The following TTC6 variants were observed in gnomAD, a reference collection of about 807,000 sequenced individuals.
TTC6 encodes the protein tetratricopeptide repeat protein 6.
TTC6 carries 172 observed loss-of-function variants against 210.4 expected under a neutral mutation model. That is an observed-to-expected ratio of 0.82 (90% CI 0.72 to 0.93). The LOEUF is 0.93. TTC6 is among the 40% of genes least tolerant of loss of function. The pLI, the probability that TTC6 is intolerant of heterozygous loss-of-function variation, is 0.00. For synonymous variants in TTC6, 804 were observed against 819.6 expected (o/e 0.98, Z 0.32); for missense variants, 2,414 against 2,318.1 (o/e 1.04, Z -0.85).
At chr14:37,613,773 T>A (rs1395034479) in intron 2 of TTC6, among the ~76,000 whole-genome samples, 1 of 151,350 alleles carries the variant, frequency 6.6e-6, no homozygotes, top group Non-Finnish European at 1.5e-5. Flanking sequence ...ATCACATTTT[T>A]AAAATTGTCC....
At chr14:37,683,728 G>A (rs972426596) in intron 3 of TTC6, among the ~76,000 whole-genome samples, 1 of 151,540 alleles carries the variant, frequency 6.6e-6, no homozygotes, top group Non-Finnish European at 1.5e-5. Context: ...ATAAGGTTCA[G>A]TACTATCCAA....
At chr14:37,641,622 G>A (rs1192054027) in intron 1 of TTC6, among the ~76,000 whole-genome samples, 1 of 152,084 alleles carries the variant, frequency 6.6e-6, no homozygotes, top group African/African-American at 2.4e-5. Flanking sequence ...ATCTTTGTGA[G>A]TTTTTATGAA....
chr14:37,782,722 G>C (rs1207801890), intron 14 of TTC6, among the ~76,000 whole-genome samples: 1 of 152,162 alleles, frequency 6.6e-6, no homozygotes, highest in Non-Finnish European at 1.5e-5. Flanking sequence ...CAAAGGGAAT[G>C]TTTCCAGTTT....
chr14:37,735,806 T>G lies in TTC6; in HGVS notation c.1819-115T>G, dbSNP rs915205294. The G allele has an allele frequency of 3.1e-5, 18 of 582,518 alleles. No homozygotes were observed. In the African/African-American group the frequency reaches 3.3e-4, roughly 11 times the overall value. 36.1% of individuals were successfully genotyped at this position (582,518 alleles called of 1,614,324 possible). A position where few individuals can be genotyped will look rare whatever the true frequency, so the allele number is the denominator to read the frequency against. ...GTTTTCTAGAATTATACTACTTTCA[T>G]ATGTTTTCTCTTTGGTTCTTTTGTT... is the stretch of plus-strand genomic sequence containing the variant. On this transcript the variant is annotated intron_variant, in intron 7 of 30. Transcript: ENST00000553443.
intron 1 of TTC6, among the ~76,000 whole-genome samples, chr14:37,602,118 G>C (rs1398202817): frequency 6.6e-6 from 1 of 152,230 alleles, no homozygotes; most frequent in East Asian, 1.9e-4. Flanking sequence ...TCTTGGGGGC[G>C]CCTGGGGCTC....
intron 20 of TTC6, 100 bp from the exon 23 acceptor site, chr14:37,804,580 G>T (rs2096114079): frequency 1.3e-5 from 18 of 1,420,336 alleles, no homozygotes; most frequent in Non-Finnish European, 1.7e-5. Flanking sequence ...AAGAGTAGAG[G>T]TGTGTGCTCT....
At position 37,751,039 on chromosome 14, in the gene TTC6, TTAATTTTCTTTAGAGGCA is replaced by T; in HGVS notation, c.2957-11_2963del. ...GATTATAACTCCAAATTTTATCTTT[TTAATTTTCTTTAGAGGCA>T]TATTTGTCAAAAGCAGAAATTTACA... On this transcript the variant is annotated splice_acceptor_variant and splice_polypyrimidine_tract_variant and coding_sequence_variant and intron_variant, in exon 13 of 31. Transcript: ENST00000553443. LOFTEE classifies it high-confidence loss of function. 6.7e-7 allele frequency: 1 copy of T among 1,496,450 alleles called. No individual in the cohort carries two copies. Among genetic ancestry groups the T allele is most frequent in the Non-Finnish European group, 8.9e-7 (1 of 1,123,582 alleles). 92.7% of individuals were successfully genotyped at this position (1,496,450 alleles called of 1,614,324 possible).
intron 14 of TTC6, among the ~76,000 whole-genome samples, chr14:37,774,853 A>C (rs1219293100): frequency 3.3e-5 from 5 of 152,102 alleles, no homozygotes; most frequent in Non-Finnish European, 7.3e-5. Flanking sequence ...TTTGGCTCTG[A>C]ATCTCTCTGG....
chr14:37,641,445 C>G (rs2095691594), intron 1 of TTC6, among the ~76,000 whole-genome samples: 2 of 152,180 alleles, frequency 1.3e-5, no homozygotes, highest in South Asian at 4.1e-4. Context: ...TGAAAACAGT[C>G]TAACAGACTG....
intron 7 of TTC6, among the ~76,000 whole-genome samples, chr14:37,730,499 T>G (rs539910110): frequency 1.2e-3 from 190 of 152,334 alleles, no homozygotes; most frequent in Non-Finnish European, 2.5e-3. Flanking sequence ...TCCTGATAAT[T>G]TTAATGTTCA....
At chr14:37,748,899 T>A (rs963870515) in intron 10 of TTC6, 40 bp from the exon 13 acceptor site, 21 of 1,393,594 alleles carry the variant, frequency 1.5e-5, no homozygotes, top group Middle Eastern at 2.3e-4. Flanking sequence ...AAGATGATTG[T>A]ATTTCTGTAA....
intron 3 of TTC6, among the ~76,000 whole-genome samples, chr14:37,683,623 G>A (rs919426723): frequency 5.3e-5 from 8 of 152,076 alleles, no homozygotes; most frequent in Admixed American, 2.0e-4. Flanking sequence ...TTGTTCTATT[G>A]TATTATTAGT....
At chr14:37,696,033 G>T (rs2095814194) in intron 3 of TTC6, among the ~76,000 whole-genome samples, 1 of 152,154 alleles carries the variant, frequency 6.6e-6, no homozygotes, top group South Asian at 2.1e-4. Flanking sequence ...TAGGTGGAAT[G>T]CTCTGTATTC....
rs1402082004 is a variant in TTC6, at chr14:37,602,746, G to C, written c.-234-3917G>C. Among the ~76,000 whole-genome samples the C allele has an allele frequency of 2.0e-5, 3 of 152,280 alleles. No homozygotes were observed. In the East Asian group the frequency reaches 5.8e-4, roughly 29 times the overall value. On this transcript the variant is annotated intron_variant, in intron 1 of 2. Transcript: ENST00000556845. ...ACCTTACCCCTGCCCCAGTCACCGC[G>C]GTGGGGGAGAGGGGGTCGGAACTTG... is the stretch of plus-strand genomic sequence containing the variant.
chr14:37,611,725 GA>G (rs1555378402), intron 2 of TTC6, among the ~76,000 whole-genome samples: 1 of 152,140 alleles, frequency 6.6e-6, no homozygotes, highest in Non-Finnish European at 1.5e-5. Context: ...ACAGTGGAGG[GA>G]CTTTAATTTC....
At chr14:37,834,897 G>A (rs757176072) in intron 29 of TTC6, among the ~76,000 whole-genome samples, 3 of 152,078 alleles carry the variant, frequency 2.0e-5, no homozygotes, top group South Asian at 2.1e-4. Context: ...TTGGTTCTGG[G>A]TGGGCACCAG....
intron 26 of TTC6, among the ~76,000 whole-genome samples, chr14:37,821,772 CT>C (rs35078384): frequency 3.7e-3 from 255 of 69,160 alleles, no homozygotes; most frequent in Middle Eastern, 0.015. Flanking sequence ...AAGAGCTAGT[CT>C]TTTTTTTTTT....
intron 24 of TTC6, among the ~76,000 whole-genome samples, chr14:37,810,431 A>G (rs1056673630): frequency 9.2e-5 from 14 of 152,212 alleles, no homozygotes; most frequent in Admixed American, 5.2e-4. Flanking sequence ...CGATAATAAA[A>G]TATTGGTGAT....
At chr14:37,791,319 G>C (rs1316080512) in intron 16 of TTC6, among the ~76,000 whole-genome samples, 4 of 152,124 alleles carry the variant, frequency 2.6e-5, no homozygotes, top group Non-Finnish European at 5.9e-5. Flanking sequence ...ATACCATGTA[G>C]ACCATATGTT....
Sources: gnomAD v4.1 joint callset for allele counts (sites outside exome capture counted in the v4.1 genomes callset) on GRCh38, gnomAD v4.1.1 for gene constraint, MANE v1.5 for transcripts, NCBI Gene and HGNC (gene_info 2026-07-23, HGNC 2026-07-21) for gene names.